MCM5: variants seen among roughly 807,000 people sequenced by gnomAD.
The protein encoded by MCM5 is minichromosome maintenance complex component 5, also known as DNA replication licensing factor MCM5.
In MCM5, 46 loss-of-function variants were observed where a neutral mutation model predicts 79.9. That is an observed-to-expected ratio of 0.58 (90% confidence interval 0.45 to 0.74). MCM5 has a LOEUF of 0.74. Ranked by LOEUF, MCM5 falls within the 30% of genes least tolerant of loss-of-function variation. The probability of loss-of-function intolerance (pLI) is 0.00; values close to 1 mark genes in which losing one functional copy is unlikely to be tolerated. For missense variants in MCM5, 883 were observed against 1,017.0 expected (o/e 0.87, Z 1.79); for synonymous variants, 404 against 390.5 (o/e 1.03, Z -0.41).
chr22:35,452,814 C>T, the MCM5 span, among the ~76,000 whole-genome samples: 7 of 152,178 alleles, frequency 4.6e-5, no homozygotes, highest in Non-Finnish European at 7.3e-5. Context: ...CAGCACTCTA[C>T]GTGCTGTAGA....
At chr22:35,421,566 T>C (rs1439503962) in intron 15 of MCM5, 106 bp downstream of exon 15, 1 of 1,489,864 alleles carries the variant, frequency 6.7e-7, no homozygotes, top group Non-Finnish European at 9.3e-7. Flanking sequence ...GTGTCTTGCT[T>C]CTCTGAGTTT....
At chr22:35,406,198 C>T (rs1432537149) in intron 4 of MCM5, among the ~76,000 whole-genome samples, 1 of 151,666 alleles carries the variant, frequency 6.6e-6, no homozygotes, top group African/African-American at 2.4e-5. Flanking sequence ...TTGTACTCTA[C>T]AGGTCCAAGG....
At chr22:35,433,345 C>A in the MCM5 span, among the ~76,000 whole-genome samples, 2 of 152,292 alleles carry the variant, frequency 1.3e-5, no homozygotes, top group Admixed American at 6.5e-5. Context: ...ACATCACCAT[C>A]TTTAACACCA....
chr22:35,415,324 G>A (rs1338386787), intron 9 of MCM5, among the ~76,000 whole-genome samples: 1 of 152,214 alleles, frequency 6.6e-6, no homozygotes, highest in African/African-American at 2.4e-5. Flanking sequence ...TACATTCTTA[G>A]GAGCTCTGAG....
chr22:35,450,073 GAGA>G, the MCM5 span, among the ~76,000 whole-genome samples: 2 of 152,216 alleles, frequency 1.3e-5, no homozygotes, highest in Admixed American at 1.3e-4. Context: ...GCCTTGGGCT[GAGA>G]AGGAGACAGG....
At chr22:35,408,953 T>G (rs971267407) in intron 6 of MCM5, among the ~76,000 whole-genome samples, 6 of 131,208 alleles carry the variant, frequency 4.6e-5, no homozygotes, top group African/African-American at 1.9e-4. Context: ...ACACCCCACC[T>G]CCTACCCCAG....
chr22:35,415,513 CCT>C (rs1932515139), intron 9 of MCM5, among the ~76,000 whole-genome samples: 1 of 152,178 alleles, frequency 6.6e-6, no homozygotes, highest in Non-Finnish European at 1.5e-5. Flanking sequence ...GAGGCTAACT[CCT>C]CTTCTCTGGG....
At chr22:35,454,140 G>A in the MCM5 span, among the ~76,000 whole-genome samples, 1 of 151,854 alleles carries the variant, frequency 6.6e-6, no homozygotes, top group African/African-American at 2.4e-5. Flanking sequence ...CTGGGAGAGG[G>A]GTTTCTCCCC....
intron 6 of MCM5, chr22:35,410,480 A>G: frequency 2.3e-6 from 1 of 440,230 alleles, no homozygotes; most frequent in Admixed American, 3.4e-5. Flanking sequence ...TAGCGAGTTC[A>G]GCGAGAGTCA....
downstream of MCM5, among the ~76,000 whole-genome samples, chr22:35,427,725 A>AG (rs1932787374): frequency 6.8e-6 from 1 of 146,630 alleles, no homozygotes; most frequent in Non-Finnish European, 1.5e-5. Flanking sequence ...ATGTTTAATT[A>AG]GGAGTGTCAA....
At chr22:35,442,369 A>C in the MCM5 span, among the ~76,000 whole-genome samples, 3 of 152,034 alleles carry the variant, frequency 2.0e-5, no homozygotes, top group African/African-American at 4.8e-5. Context: ...AAAAAAAAAA[A>C]ACATCACAAA....
the MCM5 span, among the ~76,000 whole-genome samples, chr22:35,441,055 CAAAA>C: frequency 7.3e-5 from 7 of 96,156 alleles, no homozygotes; most frequent in Non-Finnish European, 1.3e-4. Flanking sequence ...GAAACTCTGT[CAAAA>C]AAAAAAAAAA....
chr22:35,425,085 C>T lies in MCM5; in HGVS notation c.*830C>T, dbSNP rs1190651359. On this transcript the variant is annotated 3_prime_UTR_variant, in exon 17 of 17. Transcript: ENST00000216122. ...AACTGGAGATGGGGGGATTCCTCAC[C>T]CTGAGTTGTGAGGATTGAATGACAG... The T allele has an allele frequency of 6.6e-6, 1 of 152,068 alleles. No individual in the cohort carries two copies. The highest frequency in any genetic ancestry group is 1.5e-5 in the Non-Finnish European group (1 of 68,018). 9.4% of individuals were successfully genotyped at this position (152,068 alleles called of 1,614,324 possible).
At position 35,410,903 on chromosome 22, in the gene MCM5, T is replaced by A; in HGVS notation, c.912T>A (p.Asp304Glu). 1 of 1,596,136 alleles carries A rather than the reference T, an allele frequency of 6.3e-7. No homozygotes were observed. Among genetic ancestry groups the A allele is most frequent in the South Asian group, 1.1e-5 (1 of 89,600 alleles). Residue 304 changes from aspartate to glutamate, a missense_variant, in exon 7 of 17, where the codon GAT becomes GAA. Around this residue, in one of 3 missense-constraint regions of MCM5, gnomAD observed 455 missense variants for 517.5 expected, o/e 0.88. Coordinates refer to ENST00000216122, the MANE Select transcript of MCM5 (RefSeq NM_006739.4). The part of the protein sequence containing the change: ...IRVLGIQVDT[D>E]GSGRSFAGAV... ...TCCTGGGCATCCAGGTGGACACAGA[T>A]GGCTCTGGTGAGTTGGCTTTGGGGT...
downstream of MCM5, among the ~76,000 whole-genome samples, chr22:35,427,537 T>C (rs927688528): frequency 2.0e-5 from 3 of 152,002 alleles, no homozygotes; most frequent in African/African-American, 7.2e-5. Flanking sequence ...ATTTTTTTAT[T>C]TTTATTTTTT....
downstream of MCM5, among the ~76,000 whole-genome samples, chr22:35,426,237 G>A (rs1932778713): frequency 6.6e-6 from 1 of 152,210 alleles, no homozygotes; most frequent in Non-Finnish European, 1.5e-5. Context: ...CCAGATCGGG[G>A]CAGCAGCATG....
chr22:35,419,753 C>A, intron 13 of MCM5, 131 bp from the exon 14 acceptor site: 1 of 871,044 alleles, frequency 1.1e-6, no homozygotes, highest in Non-Finnish European at 1.7e-6. Flanking sequence ...TGTCCCCCAG[C>A]CCATATGAGT....
At position 35,408,688 on chromosome 22, in the gene MCM5, C is replaced by G. The variant is rs1194060028; in HGVS notation, c.752+125C>G. The G allele has an allele frequency of 6.2e-6, 6 of 973,150 alleles. No homozygotes were observed. In the African/African-American group the frequency reaches 8.1e-5, roughly 13 times the overall value. 60.3% of individuals were successfully genotyped at this position (973,150 alleles called of 1,614,324 possible). A position where few individuals can be genotyped will look rare whatever the true frequency, so the allele number is the denominator to read the frequency against. On this transcript the variant is annotated intron_variant, in intron 6 of 16. Transcript: ENST00000216122. The stretch of plus-strand genomic sequence containing the variant: ...GTAGGGTGGAGAAGGTGGCCAGTTG[C>G]AGAGCACCTGCTCTGTGCCTAATGC...
chr22:35,446,334 TC>T, the MCM5 span, among the ~76,000 whole-genome samples: 2 of 152,176 alleles, frequency 1.3e-5, no homozygotes, highest in East Asian at 3.9e-4. Context: ...GCTGGAACAT[TC>T]TAGCACTGGG....
Sources: gnomAD v4.1 joint callset for allele counts (sites outside exome capture counted in the v4.1 genomes callset) on GRCh38, gnomAD v4.1.1 for gene constraint, gnomAD v4.1.1 regional missense constraint, MANE v1.5 for transcripts, NCBI Gene and HGNC (gene_info 2026-07-23, HGNC 2026-07-21) for gene names.